Variants in ITGB6 observed in about 807,000 individuals in gnomAD.
ITGB6 encodes the protein integrin subunit beta 6.
ITGB6 carries 80 observed loss-of-function variants against 84.5 expected under a neutral mutation model. That is an observed-to-expected ratio of 0.95 (90% confidence interval 0.79 to 1.14). The LOEUF is 1.14. Ranked by LOEUF, ITGB6 falls within the 50% of genes most tolerant of loss-of-function variation. The pLI is 0.00. For missense variants in ITGB6, 1,006 were observed against 968.0 expected, an observed-to-expected ratio of 1.04 and a Z score of -0.52; for synonymous variants, 383 against 354.9, an observed-to-expected ratio of 1.08 and a Z score of -0.89.
chr2:160,107,914 G>T (rs1301030647), intron 13 of ITGB6, 69 bp from the exon 14 acceptor site: 11 of 1,342,242 alleles, frequency 8.2e-6, no homozygotes, highest in Middle Eastern at 3.7e-4. Flanking sequence ...GGCATTTCTT[G>T]TTGGATTTTC....
chr2:160,158,807 A>G (rs1684716839), intron 7 of ITGB6, among the ~76,000 whole-genome samples: 1 of 152,216 alleles, frequency 6.6e-6, no homozygotes, highest in South Asian at 2.1e-4. Context: ...CTTGTTAGAA[A>G]TGCAGATTCT....
intron 7 of ITGB6, among the ~76,000 whole-genome samples, chr2:160,162,660 C>A (rs1441399274): frequency 6.6e-6 from 1 of 152,120 alleles, no homozygotes; most frequent in East Asian, 1.9e-4. Context: ...CTCTTGTTGC[C>A]CAGGCTAGAG....
In ITGB6 at chr2:160,114,975, A is replaced by C. The variant is rs538182928; in HGVS notation, c.1982-2776T>G. Among the ~76,000 whole-genome samples, 133 of 152,370 alleles carry C rather than the reference A, an allele frequency of 8.7e-4. No homozygotes were observed. In the Middle Eastern group the frequency reaches 0.017, roughly 19 times the overall value. Reference sequence around the variant, plus strand: ...GGGCACCTGCCATTGCCCAGGCTTGATTAGGTAAACAAAGCAGCTGGGAAG... The same window carrying C: ...GGGCACCTGCCATTGCCCAGGCTTGCTTAGGTAAACAAAGCAGCTGGGAAG... On this transcript the variant is annotated intron_variant, in intron 12 of 14. Coordinates refer to ENST00000283249, the MANE Select transcript of ITGB6 (RefSeq NM_000888.5).
At chr2:160,117,754 CA>C (rs940597525) in intron 12 of ITGB6, among the ~76,000 whole-genome samples, 5 of 151,976 alleles carry the variant, frequency 3.3e-5, no homozygotes, top group Admixed American at 2.6e-4. Context: ...TCAACAAAAT[CA>C]ATAGACCGCT....
intron 13 of ITGB6, among the ~76,000 whole-genome samples, chr2:160,111,831 C>G (rs1367879646): frequency 6.6e-6 from 1 of 152,044 alleles, no homozygotes; most frequent in African/African-American, 2.4e-5. Context: ...CCACCCTCCT[C>G]GGCCTCCCAA....
At position 160,123,905 on chromosome 2, in the gene ITGB6, A is replaced by G. The variant is rs775210581; in HGVS notation, c.1884-17T>C. 1 of 1,582,530 alleles carries G rather than the reference A, an allele frequency of 6.3e-7. No individual in the cohort carries two copies. The highest frequency in any genetic ancestry group is 8.7e-7 in the Non-Finnish European group (1 of 1,153,384). On this transcript the variant is annotated splice_polypyrimidine_tract_variant and intron_variant, in intron 11 of 14. Coordinates refer to ENST00000283249, the MANE Select transcript of ITGB6 (RefSeq NM_000888.5). ...ATGCAGCTCCTGTGGACAGTATCCA[A>G]CAGTGTATCAGTTCATGCTGGTGGA...
intron 7 of ITGB6, among the ~76,000 whole-genome samples, chr2:160,147,633 G>A (rs1245165450): frequency 6.6e-6 from 1 of 152,142 alleles, no homozygotes; most frequent in Non-Finnish European, 1.5e-5. Flanking sequence ...AGAATAGTCA[G>A]ACAAATGTAA....
Position 160,195,437 on chromosome 2 carries a change from T to A in ITGB6, c.525A>T (p.Gly175=). ...KLTSNFRLGF[G]SFVEKPVSPF... is the part of the protein sequence containing the mutation. ...GGGATACAGGTTTTTCCACAAAAGA[T>A]CCGAAGCCCAGTCTAAAGTTGCTGG... Residue 175 remains glycine, a synonymous_variant, in exon 4 of 15, where the codon GGA becomes GGT. Coordinates refer to ENST00000283249, the MANE Select transcript of ITGB6 (RefSeq NM_000888.5). 6.2e-7 allele frequency: 1 copy of A among 1,614,204 alleles called. No individual in the cohort carries two copies. Among genetic ancestry groups the A allele is most frequent in the Non-Finnish European group, 8.5e-7 (1 of 1,180,012 alleles).
At position 160,100,347 on chromosome 2, in the gene ITGB6, C is replaced by T. The variant is rs186461218; in HGVS notation, c.*1389G>A. The T allele has an allele frequency of 2.0e-5, 3 of 152,332 alleles. No individual in the cohort carries two copies. The highest frequency in any genetic ancestry group is 1.5e-5 in the Non-Finnish European group (1 of 68,024). 9.4% of individuals were successfully genotyped at this position (152,332 alleles called of 1,614,324 possible). A position where few individuals can be genotyped will look rare whatever the true frequency, so the allele number is the denominator to read the frequency against. On this transcript the variant is annotated 3_prime_UTR_variant, in exon 15 of 15. Transcript: ENST00000283249. The stretch of plus-strand genomic sequence containing the variant: ...GTACAATATCTCATCTATATGCCAG[C>T]AGTTTAAATGCTATTTGTTCAGTCT...
chr2:160,143,680 A>G (rs1370835075), intron 7 of ITGB6, among the ~76,000 whole-genome samples: 1 of 152,198 alleles, frequency 6.6e-6, no homozygotes, highest in Non-Finnish European at 1.5e-5. Flanking sequence ...TATAGTTCAA[A>G]CATAATGATA....
At chr2:160,163,010 T>G (rs1684876720) in intron 7 of ITGB6, among the ~76,000 whole-genome samples, 1 of 152,176 alleles carries the variant, frequency 6.6e-6, no homozygotes, top group Non-Finnish European at 1.5e-5. Context: ...TGCCCCCAAT[T>G]TCTCACTTTG....
At position 160,138,119 on chromosome 2, in the gene ITGB6, G is replaced by A. The variant is rs147650138; in HGVS notation, c.1188C>T (p.Asn396=). 1,468 of 1,613,934 alleles carry A rather than the reference G, an allele frequency of 9.1e-4. 7 individuals are homozygous for A. Among genetic ancestry groups the A allele is most frequent in the East Asian group, 8.7e-3 (391 of 44,870 alleles). ...LNLSFTAICN[N]GTLFQHQKKC... ...TCTTTTGGTGTTGGAAGAGGGTACCGTTGTTACAGATGGCTGTAAATGACA... is the reference window on the plus strand; with the variant it reads ...TCTTTTGGTGTTGGAAGAGGGTACCATTGTTACAGATGGCTGTAAATGACA... The change falls in exon 9 of 15, where the codon AAC becomes AAT. Residue 396 remains asparagine, a synonymous_variant. Transcript: ENST00000283249.
intron 14 of ITGB6, among the ~76,000 whole-genome samples, chr2:160,106,950 A>G (rs1014068543): frequency 6.6e-6 from 1 of 152,222 alleles, no homozygotes; most frequent in Admixed American, 6.5e-5. Context: ...CATTAGAGAT[A>G]GAGAGATGAA....
intron 14 of ITGB6, among the ~76,000 whole-genome samples, chr2:160,102,435 T>C (rs894725197): frequency 2.0e-5 from 3 of 152,188 alleles, no homozygotes; most frequent in Admixed American, 6.5e-5. Flanking sequence ...TTGCCCTGGG[T>C]AGCCAAAGAA....
Position 160,126,400 on chromosome 2 carries a change from C to T in ITGB6, c.1862G>A (p.Gly621Asp), listed in dbSNP as rs1683242753. 3.1e-6 allele frequency: 5 copies of T among 1,614,152 alleles called. 1 individual carries two copies. In the Admixed American group the frequency reaches 5.0e-5, roughly 16 times the overall value. ...TTACCGTTTAGAGTTACAGGGGTCA[C>T]CACAGGTAGGACATCGTTCACAGGT... is the stretch of plus-strand genomic sequence containing the variant. ...GPTCERCPTC[G>D]DPCNSKRSCI... The change falls in exon 11 of 15, where the codon GGT (glycine) becomes GAT (aspartate). Residue 621 changes from glycine to aspartate, a missense_variant. Physicochemically the swap from Gly to Asp is moderately conservative, Grantham distance 94. Coordinates refer to ENST00000283249, the MANE Select transcript of ITGB6 (RefSeq NM_000888.5).
rs534956536 is a variant in ITGB6 at position 160,179,688 on chromosome 2, G to A, written c.594-5549C>T. 9.2e-5 allele frequency among the ~76,000 whole-genome samples: 14 copies of A among 151,458 alleles called. No individual in the cohort carries two copies. The South Asian group carries it at 1.5e-3, about 16-fold the overall frequency. ...ATTACAGGTGTGAGCTACCATGCCC[G>A]GCCCATTCCAGCATTTCATGCTTAG... is the stretch of plus-strand genomic sequence containing the variant. On this transcript the variant is annotated intron_variant, in intron 4 of 14. Coordinates refer to ENST00000283249, the MANE Select transcript of ITGB6 (RefSeq NM_000888.5).
chr2:160,120,283 A>T (rs1299410872), intron 12 of ITGB6, among the ~76,000 whole-genome samples: 9 of 142,974 alleles, frequency 6.3e-5, no homozygotes, highest in African/African-American at 2.4e-4. Flanking sequence ...TCCAACAATG[A>T]TAGACTGGAT....
At chr2:160,178,610 G>C (rs770904860) in intron 4 of ITGB6, among the ~76,000 whole-genome samples, 2 of 151,966 alleles carry the variant, frequency 1.3e-5, no homozygotes, top group South Asian at 4.2e-4. Context: ...TCACGCCAGG[G>C]AATTTTGAGT....
intron 4 of ITGB6, among the ~76,000 whole-genome samples, chr2:160,179,459 G>T (rs1217481634): frequency 1.6e-4 from 23 of 145,634 alleles, no homozygotes; most frequent in Non-Finnish European, 3.0e-4. Context: ...TGCCATCTCA[G>T]CTCACTGCAA....
Sources: gnomAD v4.1 joint callset for allele counts (sites outside exome capture counted in the v4.1 genomes callset) on GRCh38, gnomAD v4.1.1 for gene constraint, MANE v1.5 for transcripts, NCBI Gene and HGNC (gene_info 2026-07-23, HGNC 2026-07-21) for gene names.